The following CTNND2 variants were observed in gnomAD, a reference collection of about 807,000 sequenced individuals.
CTNND2 encodes the protein catenin delta-2.
CTNND2 carries 22 observed loss-of-function variants against 144.4 expected under a neutral mutation model. The ratio of observed to expected loss-of-function variants is 0.15; its 90% confidence interval spans 0.11 to 0.22. The LOEUF is 0.22. Among genes scored for constraint, CTNND2 ranks in the 10% least tolerant of loss-of-function variants. The pLI is 1.00. For synonymous variants in CTNND2, 751 were observed against 695.6 expected, an observed-to-expected ratio of 1.08 and a Z score of -1.25; for missense variants, 1,353 against 1,618.8, an observed-to-expected ratio of 0.84 and a Z score of 2.82.
chr5:11,544,619 T>A (rs1775051426), intron 3 of CTNND2, among the ~76,000 whole-genome samples: 1 of 152,242 alleles, frequency 6.6e-6, no homozygotes, highest in African/African-American at 2.4e-5. Flanking sequence ...GAATGAACTA[T>A]TGATATGTGC....
At chr5:11,346,166 T>C (rs1754755041) in intron 9 of CTNND2, among the ~76,000 whole-genome samples, 1 of 152,132 alleles carries the variant, frequency 6.6e-6, no homozygotes, top group Admixed American at 6.6e-5. Context: ...GATCAAAAGA[T>C]CATCTCTGTT....
At chr5:11,402,304 T>C (rs1321580561) in intron 5 of CTNND2, among the ~76,000 whole-genome samples, 1 of 152,100 alleles carries the variant, frequency 6.6e-6, no homozygotes, top group Non-Finnish European at 1.5e-5. Context: ...TAATAGAAAA[T>C]ATTAAGTAAG....
rs367623787 is a variant in CTNND2, at chr5:11,226,767, G to A, written c.1761+9924C>T. Among the ~76,000 whole-genome samples, 266 of 152,282 alleles carry A rather than the reference G, an allele frequency of 1.7e-3. 1 individual carries two copies. Among genetic ancestry groups the A allele is most frequent in the Non-Finnish European group, 2.8e-3 (192 of 68,016 alleles). ...CAATTCGAGATTTGTATGGGGACATGGCCAAACAATATCAGCCTGTATGTG... is the reference window on the plus strand; with the variant it reads ...CAATTCGAGATTTGTATGGGGACATAGCCAAACAATATCAGCCTGTATGTG... On this transcript the variant is annotated intron_variant, in intron 10 of 21. Coordinates refer to ENST00000304623, the MANE Select transcript of CTNND2 (RefSeq NM_001332.4).
intron 9 of CTNND2, among the ~76,000 whole-genome samples, chr5:11,329,084 T>C (rs1752819704): frequency 2.0e-5 from 3 of 152,184 alleles, no homozygotes. Context: ...TGACACCTCT[T>C]CCTCTTCTTA....
chr5:11,239,026 T>C (rs1475100845), intron 9 of CTNND2, among the ~76,000 whole-genome samples: 1 of 152,260 alleles, frequency 6.6e-6, no homozygotes, highest in African/African-American at 2.4e-5. Context: ...TTATGCAAAT[T>C]AATTCGAAAT....
Position 11,774,560 on chromosome 5 carries a change from T to TAA in CTNND2, c.38-42289_38-42288insTT, listed in dbSNP as rs1561785355. 1.6e-4 allele frequency among the ~76,000 whole-genome samples: 6 copies of TAA among 37,636 alleles called. No homozygotes were observed. In the East Asian group the frequency reaches 2.0e-3, roughly 13 times the overall value. 24.7% of individuals were successfully genotyped at this position (37,636 alleles called of 152,430 possible). A position where few individuals can be genotyped will look rare whatever the true frequency, so the allele number is the denominator to read the frequency against. On this transcript the variant is annotated intron_variant, in intron 1 of 21. Transcript: ENST00000304623. ...AAACTTAAAGTATAATAAAAAAAAATTAAAAAAAAAAACAATGATGGCTTT... is the reference window on the plus strand; with the variant it reads ...AAACTTAAAGTATAATAAAAAAAAATAATAAAAAAAAAAACAATGATGGCTTT...
At position 11,276,653 on chromosome 5, in the gene CTNND2, A is replaced by T. The variant is rs555420172; in HGVS notation, c.1629-39830T>A. 2.6e-5 allele frequency among the ~76,000 whole-genome samples: 4 copies of T among 152,334 alleles called. No individual in the cohort carries two copies. The South Asian group carries it at 8.3e-4, about 32-fold the overall frequency. ...CTAATACCCAGTATCTGTTAATGTG[A>T]CCTTATTTGAAAGCAGTGCGTTTGC... is the stretch of plus-strand genomic sequence containing the variant. On this transcript the variant is annotated intron_variant, in intron 9 of 21. Coordinates refer to ENST00000304623, the MANE Select transcript of CTNND2 (RefSeq NM_001332.4).
At chr5:11,087,948 C>T (rs976997089) in intron 15 of CTNND2, among the ~76,000 whole-genome samples, 7 of 152,120 alleles carry the variant, frequency 4.6e-5, no homozygotes, top group African/African-American at 1.7e-4. Flanking sequence ...GTAAAAGTGA[C>T]CCAGAGGAAG....
intron 9 of CTNND2, among the ~76,000 whole-genome samples, chr5:11,250,481 C>CTA (rs1316992522): frequency 4.5e-3 from 290 of 64,088 alleles, no homozygotes; most frequent in African/African-American, 0.02. Flanking sequence ...CTCTCTCTCT[C>CTA]TCTCTCTCTC....
At chr5:11,248,503 T>C (rs965924561) in intron 9 of CTNND2, among the ~76,000 whole-genome samples, 4 of 152,186 alleles carry the variant, frequency 2.6e-5, no homozygotes, top group African/African-American at 9.7e-5. Context: ...ATAATATACA[T>C]GTTACAGGAA....
chr5:11,153,117 A>G (rs952010231), intron 12 of CTNND2, among the ~76,000 whole-genome samples: 6 of 152,092 alleles, frequency 3.9e-5, no homozygotes, highest in African/African-American at 1.4e-4. Context: ...TACAAAAATT[A>G]GCTGGGTGTG....
At chr5:11,417,026 A>G (rs1441244022) in intron 3 of CTNND2, among the ~76,000 whole-genome samples, 1 of 152,228 alleles carries the variant, frequency 6.6e-6, no homozygotes, top group Non-Finnish European at 1.5e-5. Flanking sequence ...TAGGAAAGAA[A>G]TTTTGAAACA....
At chr5:11,393,430 G>GT (rs1443683369) in intron 6 of CTNND2, among the ~76,000 whole-genome samples, 1 of 152,134 alleles carries the variant, frequency 6.6e-6, no homozygotes, top group Non-Finnish European at 1.5e-5. Context: ...TTCTTGCATA[G>GT]TTTTTTTGTT....
intron 14 of CTNND2, among the ~76,000 whole-genome samples, chr5:11,108,175 C>A (rs1361653210): frequency 6.6e-6 from 1 of 152,108 alleles, no homozygotes; most frequent in Admixed American, 6.6e-5. Flanking sequence ...TGATTATTCT[C>A]CAAGTAGTGA....
chr5:11,582,026 C>A (rs1430698623), intron 2 of CTNND2, among the ~76,000 whole-genome samples: 3 of 152,154 alleles, frequency 2.0e-5, no homozygotes, highest in East Asian at 3.9e-4. Flanking sequence ...TGACCAAGGA[C>A]TGAGATTAAC....
chr5:11,390,131 C>G (rs1192333864), intron 6 of CTNND2, among the ~76,000 whole-genome samples: 1 of 152,192 alleles, frequency 6.6e-6, no homozygotes, highest in Non-Finnish European at 1.5e-5. Flanking sequence ...GAAGAGCTCT[C>G]AACAATTCCC....
chr5:11,031,514 A>C (rs2149551933), intron 16 of CTNND2, among the ~76,000 whole-genome samples: 1 of 152,270 alleles, frequency 6.6e-6, no homozygotes, highest in South Asian at 2.1e-4. Context: ...GTTTCAAAAT[A>C]GTTATATCAG....
intron 1 of CTNND2, among the ~76,000 whole-genome samples, chr5:11,773,951 A>T (rs1222377623): frequency 6.6e-6 from 1 of 152,198 alleles, no homozygotes; most frequent in Non-Finnish European, 1.5e-5. Context: ...CTATCTTTTA[A>T]TATCTGCACT....
At chr5:11,661,986 T>C (rs1013036900) in intron 2 of CTNND2, among the ~76,000 whole-genome samples, 2 of 150,584 alleles carry the variant, frequency 1.3e-5, no homozygotes, top group Non-Finnish European at 3.0e-5. Flanking sequence ...CATGTATATA[T>C]ACACACACAC....
Sources: allele counts gnomAD v4.1 joint callset (sites outside exome capture counted in the v4.1 genomes callset), GRCh38; gene constraint gnomAD v4.1.1; transcripts MANE v1.5; gene names NCBI Gene and HGNC (gene_info 2026-07-23, HGNC 2026-07-21).